The following GSE1 variants were observed in gnomAD, a reference collection of about 807,000 sequenced individuals.
The protein encoded by GSE1 is Gse1 coiled-coil protein.
Under a neutral mutation model 112.6 loss-of-function variants are expected in GSE1, and 32 were observed. The observed-to-expected ratio is 0.28, with a 90% confidence interval of 0.21 to 0.38. GSE1 has a LOEUF of 0.38. Among genes scored for constraint, GSE1 ranks in the 10% least tolerant of loss-of-function variants. The pLI, the probability that GSE1 is intolerant of heterozygous loss-of-function variation, is 1.00. For missense variants in GSE1, 2,348 were observed against 1,699.2 expected, an observed-to-expected ratio of 1.38 and a Z score of -6.71; for synonymous variants, 1,115 against 735.6, an observed-to-expected ratio of 1.52 and a Z score of -8.35.
At chr16:85,602,267 G>A (rs2047500357) in intron 1 of GSE1, among the ~76,000 whole-genome samples, 1 of 152,200 alleles carries the variant, frequency 6.6e-6, no homozygotes, top group Admixed American at 6.5e-5. Context: ...GAGGAGGCGG[G>A]GCGGGAGCAG....
intron 1 of GSE1, among the ~76,000 whole-genome samples, chr16:85,632,668 C>A (rs534837529): frequency 6.6e-6 from 1 of 152,108 alleles, no homozygotes; most frequent in Non-Finnish European, 1.5e-5. Context: ...CGGGGAGGAA[C>A]CTGGGGGCCC....
chr16:85,234,704 T>G (rs1259070730), intron 1 of GSE1, among the ~76,000 whole-genome samples: 1 of 152,088 alleles, frequency 6.6e-6, no homozygotes, highest in Non-Finnish European at 1.5e-5. Context: ...CCCTTGACCC[T>G]CTGCTGGACC....
At chr16:85,655,665 G>C in intron 5 of GSE1, 61 bp from the exon 6 acceptor site, 1 of 1,169,078 alleles carries the variant, frequency 8.6e-7, no homozygotes, top group Non-Finnish European at 1.2e-6. Flanking sequence ...CACACCTGTC[G>C]ACAGGGCTGG....
At chr16:85,362,598 T>C (rs1171606780) in intron 2 of GSE1, among the ~76,000 whole-genome samples, 1 of 152,136 alleles carries the variant, frequency 6.6e-6, no homozygotes, top group Non-Finnish European at 1.5e-5. Context: ...GTGGTGTCAG[T>C]GACATTGGAT....
chr16:85,248,507 T>C (rs1906111808), intron 1 of GSE1, among the ~76,000 whole-genome samples: 1 of 151,860 alleles, frequency 6.6e-6, no homozygotes, highest in Non-Finnish European at 1.5e-5. Context: ...TCTCTGCCTC[T>C]TCCTCCCTCT....
intron 1 of GSE1, among the ~76,000 whole-genome samples, chr16:85,217,651 G>A (rs2143716011): frequency 6.6e-6 from 1 of 152,278 alleles, no homozygotes; most frequent in South Asian, 2.1e-4. Context: ...TTCAGGACAG[G>A]GCCTGTGGGA....
chr16:85,216,675 A>T (rs8061480), intron 1 of GSE1, among the ~76,000 whole-genome samples: 8,183 of 152,232 alleles, frequency 0.054, 728 homozygotes, highest in African/African-American at 0.19. Flanking sequence ...CCACAGACAC[A>T]CAGCAGGTGT....
At chr16:85,479,843 C>G (rs140080771) in intron 2 of GSE1, among the ~76,000 whole-genome samples, 3 of 152,202 alleles carry the variant, frequency 2.0e-5, no homozygotes, top group Admixed American at 6.5e-5. Flanking sequence ...TGTCATAATT[C>G]CTAGTACAGA....
chr16:85,217,936 C>G (rs2075331336), intron 1 of GSE1, among the ~76,000 whole-genome samples: 1 of 151,990 alleles, frequency 6.6e-6, no homozygotes, highest in Non-Finnish European at 1.5e-5. Flanking sequence ...GAGTCTTGTT[C>G]TGTTACGACG....
intron 1 of GSE1, among the ~76,000 whole-genome samples, chr16:85,337,667 C>A (rs1424761969): frequency 2.6e-5 from 4 of 151,968 alleles, no homozygotes; most frequent in Admixed American, 6.6e-5. Context: ...GGGGGCCAGT[C>A]ACCTGGGCTG....
intron 1 of GSE1, among the ~76,000 whole-genome samples, chr16:85,355,953 G>T (rs888208559): frequency 1.3e-5 from 2 of 152,178 alleles, no homozygotes; most frequent in Non-Finnish European, 2.9e-5. Context: ...CTTGAACACA[G>T]GAGGTGGAGG....
chr16:85,385,230 C>G (rs1348136800), intron 2 of GSE1, among the ~76,000 whole-genome samples: 3 of 152,340 alleles, frequency 2.0e-5, no homozygotes, highest in African/African-American at 7.2e-5. Context: ...GGCTGCTTGT[C>G]CGGGGCAGGA....
intron 1 of GSE1, among the ~76,000 whole-genome samples, chr16:85,629,613 C>T (rs377162348): frequency 3.3e-5 from 5 of 152,216 alleles, no homozygotes; most frequent in Non-Finnish European, 5.9e-5. Flanking sequence ...AGCCTGCCTT[C>T]GCCTATCTGG....
intron 1 of GSE1, among the ~76,000 whole-genome samples, chr16:85,216,182 G>A (rs746862202): frequency 2.6e-5 from 4 of 152,306 alleles, no homozygotes; most frequent in Non-Finnish European, 4.4e-5. Flanking sequence ...GGGCTTAAAG[G>A]TAAAGTGCTC....
intron 2 of GSE1, among the ~76,000 whole-genome samples, chr16:85,448,050 C>A (rs1360101125): frequency 6.6e-6 from 1 of 152,218 alleles, no homozygotes; most frequent in Non-Finnish European, 1.5e-5. Context: ...CACCTGGCAG[C>A]CAGCGAGGGC....
chr16:85,508,486 C>T (rs2051617577), intron 2 of GSE1, among the ~76,000 whole-genome samples: 1 of 152,164 alleles, frequency 6.6e-6, no homozygotes, highest in Admixed American at 6.5e-5. Context: ...GGAGCACACG[C>T]CATGGAGGGT....
chr16:85,633,539 C>T (rs1226417293), intron 1 of GSE1, among the ~76,000 whole-genome samples: 1 of 152,206 alleles, frequency 6.6e-6, no homozygotes, highest in Non-Finnish European at 1.5e-5. Flanking sequence ...CGCACGCCTC[C>T]TCCGCCTGGG....
intron 13 of GSE1, chr16:85,666,724 A>G (rs2052892549): frequency 4.1e-6 from 1 of 243,492 alleles, no homozygotes; most frequent in South Asian, 4.8e-5. Context: ...TGAAAGAATC[A>G]TGTTTTTCAA....
At chr16:85,519,570 C>CCATCACCACCAT (rs1555526340) in intron 2 of GSE1, among the ~76,000 whole-genome samples, 2 of 34,762 alleles carry the variant, frequency 5.8e-5, no homozygotes, top group Non-Finnish European at 1.2e-4. Context: ...ATCATCATCA[C>CCATCACCACCAT]CATCACCAGT....
Sources: allele counts gnomAD v4.1 joint callset (sites outside exome capture counted in the v4.1 genomes callset), GRCh38; gene constraint gnomAD v4.1.1; transcripts MANE v1.5; gene names NCBI Gene and HGNC (gene_info 2026-07-23, HGNC 2026-07-21).